Variants in ADAM33 observed in about 807,000 individuals in gnomAD.
ADAM33 encodes ADAM metallopeptidase domain 33, also known as disintegrin and metalloproteinase domain-containing protein 33.
In ADAM33, 103 loss-of-function variants were observed where a neutral mutation model predicts 106.2. The ratio of observed to expected loss-of-function variants is 0.97; its 90% CI spans 0.83 to 1.14. The LOEUF (loss-of-function observed/expected upper bound fraction) is 1.14. Ranked by LOEUF, ADAM33 falls within the 50% of genes most tolerant of loss-of-function variation. The probability of loss-of-function intolerance (pLI) is 0.00; values close to 1 mark genes in which losing one functional copy is unlikely to be tolerated. For missense variants in ADAM33, 1,120 were observed against 1,096.6 expected (o/e 1.02, Z -0.30); for synonymous variants, 483 against 453.0 (o/e 1.07, Z -0.84).
At position 3,671,508 on chromosome 20, in the gene ADAM33, G is replaced by A. The variant is rs2087531380; in HGVS notation, c.1906-12C>T. On this transcript the variant is annotated splice_polypyrimidine_tract_variant and intron_variant, in intron 16 of 21. Coordinates refer to ENST00000356518, the MANE Select transcript of ADAM33 (RefSeq NM_025220.5). ...CTGCTCTGGCACACCTACGGGCAGT[G>A]CACCAGGCAGTGAGGGGGACACTGG... 1 of 1,609,912 alleles carries A rather than the reference G, an allele frequency of 6.2e-7. No individual in the cohort carries two copies. The highest frequency in any genetic ancestry group is 8.5e-7 in the Non-Finnish European group (1 of 1,177,396).
At chr20:3,679,704 C>G (rs1364923194) in intron 1 of ADAM33, 133 bp from the exon 2 acceptor site, 4 of 697,984 alleles carry the variant, frequency 5.7e-6, no homozygotes, top group Non-Finnish European at 9.8e-6. Flanking sequence ...TCACCTTCAA[C>G]ACGCGTGGGC....
At chr20:3,680,226 G>A (rs199616804) in intron 1 of ADAM33, among the ~76,000 whole-genome samples, 5 of 146,134 alleles carry the variant, frequency 3.4e-5, no homozygotes, top group Admixed American at 2.1e-4. Context: ...CTCAGAGGGC[G>A]CCTGGAATGT....
rs896125470 is a variant in ADAM33 at position 3,673,587 on chromosome 20, C to T, written c.977G>A (p.Gly326Glu). Residue 326 changes from glycine (G) to glutamate (E), a missense_variant, in exon 10 of 22, where the codon GGA (glycine) becomes GAA (glutamate). Coordinates refer to ENST00000356518, the MANE Select transcript of ADAM33 (RefSeq NM_025220.5). Reference sequence around the variant, plus strand: ...CGCGGGGCTCACCGTGCTCACGCCTCCCGAGCTCTCGGCGCGGCACATGCC... The same window carrying T: ...CGCGGGGCTCACCGTGCTCACGCCTTCCGAGCTCTCGGCGCGGCACATGCC... ...VEGMCRAESS[G>E]GVSTDHSELP... is the part of the protein sequence containing the mutation. The T allele has an allele frequency of 2.5e-5, 35 of 1,376,676 alleles. No individual in the cohort carries two copies. The highest frequency in any genetic ancestry group is 3.2e-5 in the Non-Finnish European group (34 of 1,072,558). 85.3% of individuals were successfully genotyped at this position (1,376,676 alleles called of 1,614,324 possible).
chr20:3,673,687 G>T (rs908105560), intron 9 of ADAM33, 29 bp from the exon 10 acceptor site: 1 of 1,351,990 alleles, frequency 7.4e-7, no homozygotes, highest in African/African-American at 1.5e-5. Context: ...GTGACCAGGC[G>T]GGGCCGGGAG....
chr20:3,669,591 GGTGA>G lies in ADAM33; in HGVS notation c.2283_2286del (p.His762ProfsTer54). The G allele has an allele frequency of 1.2e-6, 2 of 1,603,738 alleles. No individual in the cohort carries two copies. The highest frequency in any genetic ancestry group is 1.7e-6 in the Non-Finnish European group (2 of 1,176,216). On this transcript the variant is annotated frameshift_variant, in exon 20 of 22. Coordinates refer to ENST00000356518, the MANE Select transcript of ADAM33 (RefSeq NM_025220.5). LOFTEE classifies it high-confidence loss of function. ...GTGGCTGTGGGGCCCAACTCCATGG[GGTGA>G]ACGCCGCCCAGGGGGTGGTCCCTGT...
In ADAM33 at chr20:3,672,149, G is replaced by C. The variant is rs1475886388; in HGVS notation, c.1582C>G (p.Gln528Glu). Residue 528 changes from glutamine to glutamate, a missense_variant, in exon 14 of 22, where the codon CAG (glutamine) becomes GAG (glutamate). Coordinates refer to ENST00000356518, the MANE Select transcript of ADAM33 (RefSeq NM_025220.5). ...GTCCTCTCACCAGGCCCCCAGAGCT[G>C]CTGGCACTGCTGCTCCAGCGTGGGA... ...ACPTLEQQCQ[Q>E]LWGPGSHPAP... The C allele has an allele frequency of 6.2e-7, 1 of 1,611,768 alleles. No homozygotes were observed. Among genetic ancestry groups the C allele is most frequent in the Non-Finnish European group, 8.5e-7 (1 of 1,179,118 alleles).
At chr20:3,669,893 A>AAACCACC in intron 19 of ADAM33, 4 of 596,982 alleles carry the variant, frequency 6.7e-6, no homozygotes, top group Middle Eastern at 8.9e-4. Flanking sequence ...CCAGGCTCTG[A>AAACCACC]CAGCAGCCTG....
rs553761364 is a variant in ADAM33, at chr20:3,673,422, G to T, written c.1065C>A (p.His355Gln). 1.3e-6 allele frequency: 2 copies of T among 1,570,082 alleles called. No individual in the cohort carries two copies. The highest frequency in any genetic ancestry group is 8.6e-7 in the Non-Finnish European group (1 of 1,164,952). The change falls in exon 11 of 22, where the codon CAC (histidine) becomes CAA (glutamine). Residue 355 changes from histidine to glutamine, a missense_variant. Physicochemically the swap from His to Gln is conservative, Grantham distance 24 (BLOSUM62 0). Coordinates refer to ENST00000356518, the MANE Select transcript of ADAM33 (RefSeq NM_025220.5). ...CCTCCACGCAGCAGCCGTCGGGGTCGTGGCTGAGGCCGAGGCTGTGGCCGA... is the reference window on the plus strand; with the variant it reads ...CCTCCACGCAGCAGCCGTCGGGGTCTTGGCTGAGGCCGAGGCTGTGGCCGA... ...HEIGHSLGLS[H>Q]DPDGCCVEAA...
At position 3,669,137 on chromosome 20, in the gene ADAM33, G is replaced by A. The variant is rs41496446; in HGVS notation, c.2405-137C>T. ...CAGCTTCTCCCTCCCCAGCCCAGGG[G>A]CTTCCAGCATCCTGGTCTGCATGAT... On this transcript the variant is annotated intron_variant, in intron 21 of 21. Coordinates refer to ENST00000356518, the MANE Select transcript of ADAM33 (RefSeq NM_025220.5). 999 of 1,237,364 alleles carry A rather than the reference G, an allele frequency of 8.1e-4. 6 individuals carry two copies. The East Asian group carries it at 0.014, about 18-fold the overall frequency. 76.6% of individuals were successfully genotyped at this position (1,237,364 alleles called of 1,614,324 possible). A position where few individuals can be genotyped will look rare whatever the true frequency, so the allele number is the denominator to read the frequency against.
chr20:3,681,092 T>C (rs1200776289), intron 1 of ADAM33, among the ~76,000 whole-genome samples: 3 of 152,112 alleles, frequency 2.0e-5, no homozygotes, highest in Non-Finnish European at 4.4e-5. Flanking sequence ...CACAGTGCTG[T>C]GGAAGCCACC....
intron 3 of ADAM33, among the ~76,000 whole-genome samples, chr20:3,676,436 C>A (rs1401554515): frequency 7.0e-6 from 1 of 143,424 alleles, no homozygotes. Flanking sequence ...TTTTCTTTTT[C>A]TTTTTTTTCT....
Position 3,675,983 on chromosome 20 carries a change from C to T in ADAM33, c.255-878G>A, listed in dbSNP as rs540767240. 3.3e-5 allele frequency among the ~76,000 whole-genome samples: 5 copies of T among 151,864 alleles called. No individual in the cohort carries two copies. Among genetic ancestry groups the T allele is most frequent in the Non-Finnish European group, 7.4e-5 (5 of 67,992 alleles). ...GACCACCCCATTGAAAGGGTAGGGA[C>T]GTCGGGAAAATATGGTTGGGCACAG... On this transcript the variant is annotated intron_variant, in intron 3 of 21. Transcript: ENST00000356518. The surrounding 1 kb of genome is among the most constrained non-coding windows in gnomAD (Gnocchi z 4.1).
intron 6 of ADAM33, 51 bp from the exon 7 acceptor site, chr20:3,674,335 C>CT (rs1262894603): frequency 6.2e-7 from 1 of 1,612,468 alleles, no homozygotes; most frequent in African/African-American, 1.3e-5. Flanking sequence ...GGCTTGAGCC[C>CT]TGACCACCAA....
chr20:3,669,702 G>C (rs181480224), intron 19 of ADAM33, 65 bp from the exon 20 acceptor site: 1 of 1,399,976 alleles, frequency 7.1e-7, no homozygotes, highest in Admixed American at 2.0e-5. Context: ...TTGCCTCCCC[G>C]CAGCATGGTG....
At position 3,679,492 on chromosome 20, in the gene ADAM33, C is replaced by T. The variant is rs755831809; in HGVS notation, c.177G>A (p.Pro59=). ...QPWRTVSLEE[P]VSKPDMGLVA... ...GAGGGCGGGGAGACATGGCACTGAC[C>T]GGCTCCTCCAGGCTGACGGTGCGCC... The change falls in exon 2 of 22, where the codon CCG becomes CCA. Residue 59 remains proline, a splice_region_variant and synonymous_variant. Coordinates refer to ENST00000356518, the MANE Select transcript of ADAM33 (RefSeq NM_025220.5). 63 of 1,605,932 alleles carry T rather than the reference C, an allele frequency of 3.9e-5. No homozygotes were observed. The highest frequency in any genetic ancestry group is 4.8e-5 in the Non-Finnish European group (56 of 1,176,302).
rs370487952 is a variant in ADAM33, at chr20:3,669,327, A to C, written c.2376T>G (p.Pro792=). 1.3e-6 allele frequency: 2 copies of C among 1,599,744 alleles called. No homozygotes were observed. Among genetic ancestry groups the C allele is most frequent in the African/African-American group, 2.7e-5 (2 of 73,798 alleles). ...SHEPSSHPEK[P]LPAVSPDPQA... is the part of the protein sequence containing the mutation. ...GGGGGTCAGGCGAGACTGCTGGCAG[A>C]GGCTTCTCAGGGTGGCTGCTGGGCT... The change falls in exon 21 of 22, where the codon CCT becomes CCG. Residue 792 remains proline (P), a synonymous_variant. Coordinates refer to ENST00000356518, the MANE Select transcript of ADAM33 (RefSeq NM_025220.5).
chr20:3,671,816 A>AC, intron 15 of ADAM33, 37 bp from the exon 16 acceptor site: 2 of 1,551,078 alleles, frequency 1.3e-6, no homozygotes, highest in Non-Finnish European at 1.7e-6. Context: ...CAGCTGCAGT[A>AC]CCCCCCTTCC....
chr20:3,669,619 G>A lies in ADAM33; in HGVS notation c.2259C>T (p.His753=), dbSNP rs749593008. The change falls in exon 20 of 22, where the codon CAC becomes CAT. Residue 753 remains histidine, a synonymous_variant. Coordinates refer to ENST00000356518, the MANE Select transcript of ADAM33 (RefSeq NM_025220.5). ...GAACGCCGCCCAGGGGGTGGTCCCTGTGTGGGCCATCTTTGGGGCTGAGCA... is the reference window on the plus strand; with the variant it reads ...GAACGCCGCCCAGGGGGTGGTCCCTATGTGGGCCATCTTTGGGGCTGAGCA... The part of the protein sequence containing the change: ...PACSGPKDGP[H]RDHPLGGVHP... The A allele has an allele frequency of 1.9e-6, 3 of 1,602,456 alleles. No homozygotes were observed. Among genetic ancestry groups the A allele is most frequent in the Admixed American group, 1.7e-5 (1 of 57,980 alleles).
rs750721229 is a variant in ADAM33 at position 3,674,487 on chromosome 20, C to T, written c.600+17G>A. 6.2e-6 allele frequency: 10 copies of T among 1,611,136 alleles called. No individual in the cohort carries two copies. Among genetic ancestry groups the T allele is most frequent in the Admixed American group, 3.4e-5 (2 of 59,452 alleles). On this transcript the variant is annotated intron_variant, in intron 6 of 21. Transcript: ENST00000356518. Reference sequence around the variant, plus strand: ...TAGATACAGCATTCCCACTCCCATCCGATCGATGCCCCTGACCCTGCTCTG... The same window carrying T: ...TAGATACAGCATTCCCACTCCCATCTGATCGATGCCCCTGACCCTGCTCTG...
Sources: allele counts gnomAD v4.1 joint callset (sites outside exome capture counted in the v4.1 genomes callset), GRCh38; gene constraint gnomAD v4.1.1; non-coding constraint Gnocchi (gnomAD v3.1); transcripts MANE v1.5; gene names NCBI Gene and HGNC (gene_info 2026-07-23, HGNC 2026-07-21).